Variants in IGFN1 observed in about 807,000 individuals in gnomAD.
The protein encoded by IGFN1 is immunoglobulin-like and fibronectin type III domain-containing protein 1.
A neutral mutation model predicts 289.5 loss-of-function variants in IGFN1; 253 were observed. That is an observed-to-expected ratio of 0.87 (90% CI 0.79 to 0.97). The LOEUF (loss-of-function observed/expected upper bound fraction) is 0.97. Ranked by LOEUF, IGFN1 falls within the 50% of genes least tolerant of loss-of-function variation. The probability of loss-of-function intolerance (pLI) is 0.00; values close to 1 mark genes in which losing one functional copy is unlikely to be tolerated. For synonymous variants in IGFN1, 1,706 were observed against 1,788.5 expected (o/e 0.95, Z 1.16); for missense variants, 4,470 against 4,686.1 (o/e 0.95, Z 1.35).
At position 201,225,853 on chromosome 1, in the gene IGFN1, C is replaced by A; in HGVS notation, c.10516C>A (p.Leu3506Met). Residue 3506 changes from leucine to methionine, a missense_variant, in exon 22 of 24, where the codon CTG becomes ATG. By Grantham distance (15) the Leu-to-Met change is conservative. Around this residue, in one of 8 missense-constraint regions of IGFN1, gnomAD observed 2,218 missense variants for 2,114.1 expected, o/e 1.05. Transcript: ENST00000335211. ...ACPQAPGPIH[L>M]QENVPGTVTA... The stretch of plus-strand genomic sequence containing the variant: ...CCCGCAGGCCCCTGGGCCCATCCAC[C>A]TGCAGGAGAACGTGCCTGGGACGGT... 6.2e-7 allele frequency: 1 copy of A among 1,613,062 alleles called. No homozygotes were observed.
At position 201,202,684 on chromosome 1, in the gene IGFN1, T is replaced by C. The variant is rs1212668731; in HGVS notation, c.747+852T>C. ...TTTTTGTTCCCTAGTTTTCTCTCTTTCTTTCCCTTTCTTTCTTTTTCTTTC... is the reference window on the plus strand; with the variant it reads ...TTTTTGTTCCCTAGTTTTCTCTCTTCCTTTCCCTTTCTTTCTTTTTCTTTC... On this transcript the variant is annotated intron_variant, in intron 9 of 23. Transcript: ENST00000335211. Among the ~76,000 whole-genome samples, 3 of 152,002 alleles carry C rather than the reference T, an allele frequency of 2.0e-5. No individual in the cohort carries two copies. In the East Asian group the frequency reaches 5.8e-4, roughly 29 times the overall value.
intron 8 of IGFN1, among the ~76,000 whole-genome samples, chr1:201,200,699 A>C (rs1049364165): frequency 1.3e-5 from 2 of 152,102 alleles, no homozygotes; most frequent in Non-Finnish European, 2.9e-5. Context: ...AATTATAGTC[A>C]TGCCTACCTT....
chr1:201,222,662 C>T (rs1250097135), intron 19 of IGFN1, 77 bp from the exon 20 acceptor site: 20 of 991,816 alleles, frequency 2.0e-5, no homozygotes, highest in Non-Finnish European at 3.1e-5. Flanking sequence ...CCCTCCAGCC[C>T]TACCTTGCTG....
Position 201,210,916 on chromosome 1 carries a change from T to C in IGFN1, c.6023T>C (p.Ile2008Thr), listed in dbSNP as rs1179081482. ...AAGGATTTGGGGGCTCCTGAGGGAATAGGTTCAGGGAGTAAGGCAGGTTTC... is the reference window on the plus strand; with the variant it reads ...AAGGATTTGGGGGCTCCTGAGGGAACAGGTTCAGGGAGTAAGGCAGGTTTC... ...YRKDLGAPEG[I>T]GSGSKAGFRD... Residue 2008 changes from isoleucine to threonine, a missense_variant, in exon 12 of 24, where the codon ATA becomes ACA. Around this residue, in one of 8 missense-constraint regions of IGFN1, gnomAD observed 108 missense variants for 128.7 expected, o/e 0.84. Transcript: ENST00000335211. 6.8e-7 allele frequency: 1 copy of C among 1,475,522 alleles called. No individual in the cohort carries two copies. 91.4% of individuals were successfully genotyped at this position (1,475,522 alleles called of 1,614,324 possible).
At chr1:201,197,832 A>T (rs1246652251) in intron 5 of IGFN1, among the ~76,000 whole-genome samples, 1 of 152,234 alleles carries the variant, frequency 6.6e-6, no homozygotes, top group African/African-American at 2.4e-5. Flanking sequence ...TAGTCTCGCC[A>T]TTGGTTATGC....
chr1:201,210,848 G>A lies in IGFN1; in HGVS notation c.5955G>A (p.Gly1985=), dbSNP rs754721668. The A allele has an allele frequency of 4.6e-6, 7 of 1,534,514 alleles. No homozygotes were observed. In the Admixed American group the frequency reaches 1.2e-4, roughly 26 times the overall value. The change falls in exon 12 of 24, where the codon GGG becomes GGA. Residue 1985 remains glycine (G), a synonymous_variant. Coordinates refer to ENST00000335211, the MANE Select transcript of IGFN1 (RefSeq NM_001164586.2). The part of the protein sequence containing the change: ...GSKEGFRDGL[G]GSEEMGSMDE... The stretch of plus-strand genomic sequence containing the variant: ...AGGAAGGTTTCAGGGATGGTTTAGG[G>A]GGTTCTGAGGAAATGGGGTCAATGG...
intron 3 of IGFN1, among the ~76,000 whole-genome samples, chr1:201,195,613 T>C (rs1666883557): frequency 6.6e-6 from 1 of 152,188 alleles, no homozygotes; most frequent in South Asian, 2.1e-4. Context: ...CCCAAGCTTC[T>C]GCAATATAGA....
At chr1:201,220,675 G>T (rs913205949) in intron 18 of IGFN1, among the ~76,000 whole-genome samples, 1 of 152,198 alleles carries the variant, frequency 6.6e-6, no homozygotes, top group African/African-American at 2.4e-5. Flanking sequence ...CTGAATCAGG[G>T]TCTATATTTT....
chr1:201,207,332 C>T lies in IGFN1; in HGVS notation c.2439C>T (p.Phe813=). Residue 813 remains phenylalanine, a synonymous_variant, in exon 12 of 24, where the codon TTC becomes TTT. Coordinates refer to ENST00000335211, the MANE Select transcript of IGFN1 (RefSeq NM_001164586.2). ...SGEVEYDPRS[F]QSSQGWTAGH... is the part of the protein sequence containing the mutation. ...AGGTAGAGTATGACCCCAGAAGCTT[C>T]CAGTCTTCCCAGGGCTGGACAGCAG... 2 of 1,536,948 alleles carry T rather than the reference C, an allele frequency of 1.3e-6. No homozygotes were observed. Among genetic ancestry groups the T allele is most frequent in the Non-Finnish European group, 1.7e-6 (2 of 1,146,902 alleles).
At chr1:201,217,213 CT>C in intron 16 of IGFN1, 73 bp from the exon 17 acceptor site, 1 of 1,404,156 alleles carries the variant, frequency 7.1e-7, no homozygotes, top group East Asian at 2.3e-5. Flanking sequence ...CCTGTGCCCC[CT>C]ACCCCCAGGG....
chr1:201,209,762 T>C lies in IGFN1; in HGVS notation c.4869T>C (p.Gly1623=). The change falls in exon 12 of 24, where the codon GGT becomes GGC. Residue 1623 remains glycine, a synonymous_variant. Coordinates refer to ENST00000335211, the MANE Select transcript of IGFN1 (RefSeq NM_001164586.2). ...GAAGTAAGGCAGGTTTTAGGGATGG[T>C]TTAGGGGGTTCTGAAGAAATGGGGT... The part of the protein sequence containing the change: ...GSGSKAGFRD[G]LGGSEEMGSV... 7.8e-7 allele frequency: 1 copy of C among 1,279,498 alleles called. No homozygotes were observed. The highest frequency in any genetic ancestry group is 1.1e-6 in the Non-Finnish European group (1 of 935,862). 79.3% of individuals were successfully genotyped at this position (1,279,498 alleles called of 1,614,324 possible). A position where few individuals can be genotyped will look rare whatever the true frequency, so the allele number is the denominator to read the frequency against.
At chr1:201,201,600 A>G in intron 8 of IGFN1, 119 bp from the exon 9 acceptor site, 1 of 601,890 alleles carries the variant, frequency 1.7e-6, no homozygotes, top group Non-Finnish European at 3.0e-6. Context: ...AAAAGGGGCC[A>G]ATGCATGCTC....
Position 201,206,237 on chromosome 1 carries a change from T to A in IGFN1, c.1344T>A (p.Ala448=), listed in dbSNP as rs920413535. 36 of 1,547,590 alleles carry A rather than the reference T, an allele frequency of 2.3e-5. No individual in the cohort carries two copies. Among genetic ancestry groups the A allele is most frequent in the Non-Finnish European group, 3.1e-5 (36 of 1,145,714 alleles). Residue 448 remains alanine, a synonymous_variant, in exon 12 of 24, where the codon GCT becomes GCA. Coordinates refer to ENST00000335211, the MANE Select transcript of IGFN1 (RefSeq NM_001164586.2). ...CCAGGGGGGGCTCCCTTGAAGGGGC[T>A]GGGCCGGCTTCTGGGCTCCAGCACA... ...QGPRGGSLEG[A]GPASGLQHIA... is the part of the protein sequence containing the mutation.
rs376038652 is a variant in IGFN1 at position 201,225,868 on chromosome 1, C to T, written c.10531C>T (p.Pro3511Ser). Residue 3511 changes from proline to serine, a missense_variant, in exon 22 of 24, where the codon CCT (proline) becomes TCT (serine). By Grantham distance (74) the Pro-to-Ser change is moderately conservative. Around this residue, in one of 8 missense-constraint regions of IGFN1, gnomAD observed 2,218 missense variants for 2,114.1 expected, o/e 1.05. Coordinates refer to ENST00000335211, the MANE Select transcript of IGFN1 (RefSeq NM_001164586.2). The part of the protein sequence containing the change: ...PGPIHLQENV[P>S]GTVTAEWEPS... Reference sequence around the variant, plus strand: ...GCCCATCCACCTGCAGGAGAACGTGCCTGGGACGGTGACGGCCGAGTGGGA... The same window carrying T: ...GCCCATCCACCTGCAGGAGAACGTGTCTGGGACGGTGACGGCCGAGTGGGA... The T allele has an allele frequency of 1.2e-6, 2 of 1,613,184 alleles. No homozygotes were observed. The highest frequency in any genetic ancestry group is 1.7e-6 in the Non-Finnish European group (2 of 1,179,812).
rs1312331781 is a variant in IGFN1, at chr1:201,226,923, C to T, written c.10828C>T (p.Leu3610=). 5 of 1,609,502 alleles carry T rather than the reference C, an allele frequency of 3.1e-6. No individual in the cohort carries two copies. In the South Asian group the frequency reaches 5.5e-5, roughly 18 times the overall value. The change falls in exon 23 of 24, where the codon CTG becomes TTG. Residue 3610 remains leucine, a synonymous_variant. Coordinates refer to ENST00000335211, the MANE Select transcript of IGFN1 (RefSeq NM_001164586.2). ...VKAPCYREPD[L]SQKPRFLVGL... ...GGCTCCGTGCTACCGGGAGCCCGAC[C>T]TGAGCCAGAAGCCCCGGTTCCTGGT... is the stretch of plus-strand genomic sequence containing the variant.
chr1:201,213,576 T>A lies in IGFN1; in HGVS notation c.8683T>A (p.Ser2895Thr), dbSNP rs776720945. ...ERRDATRSSTSRYKPGTGSFS... is the reference protein window; with the variant it reads ...ERRDATRSSTTRYKPGTGSFS... ...GAGAGATGCTACCCGGAGTTCCACA[T>A]CCAGATACAAGCCTGGCACTGGCAG... The change falls in exon 12 of 24, where the codon TCC becomes ACC. Residue 2895 changes from serine to threonine, a missense_variant. Ser to Thr is a moderately conservative substitution (Grantham distance 58, BLOSUM62 1). Around this residue, in one of 8 missense-constraint regions of IGFN1, gnomAD observed 2,218 missense variants for 2,114.1 expected, o/e 1.05. Transcript: ENST00000335211. 3 of 1,613,942 alleles carry A rather than the reference T, an allele frequency of 1.9e-6. No individual in the cohort carries two copies. The South Asian group carries it at 3.3e-5, about 18-fold the overall frequency.
Position 201,218,620 on chromosome 1 carries a change from G to A in IGFN1, c.9860G>A (p.Gly3287Glu). The change falls in exon 18 of 24, where the codon GGA becomes GAA. Residue 3287 changes from glycine to glutamate, a missense_variant. Coordinates refer to ENST00000335211, the MANE Select transcript of IGFN1 (RefSeq NM_001164586.2). Reference protein sequence around the residue: ...AVAPSGPGEPGPPSDAVFARD... With the variant: ...AVAPSGPGEPEPPSDAVFARD... ...GCTCCCTCAGGTCCCGGAGAGCCTG[G>A]ACCTCCATCGGATGCTGTCTTTGCT... 3 of 1,611,560 alleles carry A rather than the reference G, an allele frequency of 1.9e-6. No homozygotes were observed. The highest frequency in any genetic ancestry group is 8.5e-7 in the Non-Finnish European group (1 of 1,179,944).
rs59498888 is a variant in IGFN1, at chr1:201,225,159, C to T, written c.10486+285C>T. On this transcript the variant is annotated intron_variant, in intron 21 of 23. Transcript: ENST00000335211. ...TTCCCGTTGAGTCAGTGAGCAGAGG[C>T]GGTTACCACTGTTACATCACTCCAA... Among the ~76,000 whole-genome samples, 19,812 of 152,228 alleles carry T rather than the reference C, an allele frequency of 0.13. 1,628 individuals carry two copies. The highest frequency in any genetic ancestry group is 0.17 in the Non-Finnish European group (11,799 of 68,018).
Position 201,213,081 on chromosome 1 carries a change from G to A in IGFN1, c.8188G>A (p.Gly2730Arg). 2.6e-6 allele frequency: 4 copies of A among 1,551,642 alleles called. No homozygotes were observed. The highest frequency in any genetic ancestry group is 3.5e-6 in the Non-Finnish European group (4 of 1,146,972). Residue 2730 changes from glycine to arginine, a missense_variant, in exon 12 of 24, where the codon GGG (glycine) becomes AGG (arginine). Around this residue, in one of 8 missense-constraint regions of IGFN1, gnomAD observed 2,218 missense variants for 2,114.1 expected, o/e 1.05. Coordinates refer to ENST00000335211, the MANE Select transcript of IGFN1 (RefSeq NM_001164586.2). ...EWGNALTPKPGESGPQGAWNG... is the reference protein window; with the variant it reads ...EWGNALTPKPRESGPQGAWNG... ...GGGGAATGCCCTCACCCCAAAACCT[G>A]GGGAGTCCGGACCTCAGGGAGCCTG...
Sources: allele counts gnomAD v4.1 joint callset (sites outside exome capture counted in the v4.1 genomes callset), GRCh38; gene constraint gnomAD v4.1.1; regional missense constraint gnomAD v4.1.1; transcripts MANE v1.5; gene names NCBI Gene and HGNC (gene_info 2026-07-23, HGNC 2026-07-21).